The following TMEM131 variants were observed in gnomAD, a reference collection of about 807,000 sequenced individuals.
TMEM131 encodes transmembrane protein 131.
A neutral mutation model predicts 211.6 loss-of-function variants in TMEM131; 66 were observed. That is an observed-to-expected ratio of 0.31 (90% CI 0.26 to 0.38). TMEM131 has a LOEUF of 0.38. Among genes scored for constraint, TMEM131 ranks in the 10% least tolerant of loss-of-function variants. The pLI is 1.00. For missense variants in TMEM131, 2,036 were observed against 2,299.3 expected, an observed-to-expected ratio of 0.89 and a Z score of 2.34; for synonymous variants, 844 against 841.3, an observed-to-expected ratio of 1.00 and a Z score of -0.06.
chr2:97,907,384 G>A (rs564487602), intron 3 of TMEM131: 1 of 152,324 alleles, frequency 6.6e-6, no homozygotes, highest in East Asian at 1.9e-4. Context: ...CATTATTTAT[G>A]AGGTAAGAAG....
intron 2 of TMEM131, chr2:97,912,957 C>A (rs1454186893): frequency 6.6e-6 from 1 of 152,138 alleles, no homozygotes; most frequent in Non-Finnish European, 1.5e-5. Context: ...ATAAAACGAA[C>A]ACATCTGATA....
chr2:97,995,266 G>A (rs993713273), intron 1 of TMEM131, among the ~76,000 whole-genome samples: 3 of 152,250 alleles, frequency 2.0e-5, no homozygotes, highest in East Asian at 1.9e-4. Context: ...GGCAGTGACA[G>A]GAGACGGGGG....
chr2:97,759,293 CAT>C, intron 39 of TMEM131: 1 of 573,004 alleles, frequency 1.7e-6, no homozygotes, highest in Non-Finnish European at 3.1e-6. Flanking sequence ...CCCACTCTCA[CAT>C]GATAGCTAAT....
chr2:97,932,963 C>G (rs182028417), intron 1 of TMEM131, among the ~76,000 whole-genome samples: 10 of 152,246 alleles, frequency 6.6e-5, no homozygotes, highest in Admixed American at 6.5e-4. Flanking sequence ...TTTACTGTAC[C>G]CTTTTCTATG....
intron 4 of TMEM131, among the ~76,000 whole-genome samples, chr2:97,873,306 C>A (rs1202460194): frequency 6.6e-6 from 1 of 152,238 alleles, no homozygotes; most frequent in Non-Finnish European, 1.5e-5. Flanking sequence ...GGGAAAGGGG[C>A]AGCTGTGGCC....
In TMEM131 at chr2:97,995,539, G is replaced by A. The variant is rs1294010516; in HGVS notation, c.124C>T (p.Leu42Phe). The change falls in exon 1 of 41, where the codon CTC (leucine) becomes TTC (phenylalanine). Residue 42 changes from leucine (L) to phenylalanine (F), a missense_variant. By Grantham distance (22) the Leu-to-Phe change is conservative (BLOSUM62 0). Coordinates refer to ENST00000186436, the MANE Select transcript of TMEM131 (RefSeq NM_015348.2). ...SGGPRSAAAG[L>F]LGALHLVMTL... ...ATCACCAGGTGCAGCGCGCCTAGGA[G>A]GCCGGCGGCCGCGCTCCGCGGGCCC... is the stretch of plus-strand genomic sequence containing the variant. 4 of 1,344,878 alleles carry A rather than the reference G, an allele frequency of 3.0e-6. No homozygotes were observed. The highest frequency in any genetic ancestry group is 3.1e-5 in the East Asian group (1 of 31,816). 83.3% of individuals were successfully genotyped at this position (1,344,878 alleles called of 1,614,324 possible).
Position 97,815,182 on chromosome 2 carries a change from T to C in TMEM131, c.1292+17A>G. The stretch of plus-strand genomic sequence containing the variant: ...ATTAGTAAAAAGTAATAGAATTTAT[T>C]TTAAAAAGAAACTCACCCATCTAAA... On this transcript the variant is annotated intron_variant, in intron 13 of 40. Transcript: ENST00000186436. The C allele has an allele frequency of 7.2e-7, 1 of 1,393,214 alleles. No homozygotes were observed. The highest frequency in any genetic ancestry group is 9.7e-7 in the Non-Finnish European group (1 of 1,032,612). The allele number at this position is 1,393,214 out of a possible 1,614,324, so 86.3% of individuals were successfully genotyped here.
rs573459946 is a variant in TMEM131 at position 97,817,633 on chromosome 2, C to T, written c.1183+980G>A. Among the ~76,000 whole-genome samples, 23 of 152,242 alleles carry T rather than the reference C, an allele frequency of 1.5e-4. No individual in the cohort carries two copies. In the East Asian group the frequency reaches 4.4e-3, roughly 29 times the overall value. On this transcript the variant is annotated intron_variant, in intron 12 of 40. Coordinates refer to ENST00000186436, the MANE Select transcript of TMEM131 (RefSeq NM_015348.2). Reference sequence around the variant, plus strand: ...TATGCTGCCTATGTGATTTTTATTCCTTGAGAGTCCTCACTGAGCTCACAG... The same window carrying T: ...TATGCTGCCTATGTGATTTTTATTCTTTGAGAGTCCTCACTGAGCTCACAG...
At position 97,827,228 on chromosome 2, in the gene TMEM131, G is replaced by A. The variant is rs562395101; in HGVS notation, c.1074+6137C>T. 46 of 753,530 alleles carry A rather than the reference G, an allele frequency of 6.1e-5. No homozygotes were observed. In the East Asian group the frequency reaches 6.3e-4, roughly 10 times the overall value. 46.7% of individuals were successfully genotyped at this position (753,530 alleles called of 1,614,324 possible). ...GCCGCGGCCCGCAGGCACCTGGCACGCGCCTTCCCCGCCGCCAGGATGCCC... is the reference window on the plus strand; with the variant it reads ...GCCGCGGCCCGCAGGCACCTGGCACACGCCTTCCCCGCCGCCAGGATGCCC... On this transcript the variant is annotated intron_variant, in intron 11 of 40. Coordinates refer to ENST00000186436, the MANE Select transcript of TMEM131 (RefSeq NM_015348.2).
intron 3 of TMEM131, among the ~76,000 whole-genome samples, chr2:97,897,020 T>C (rs1675643833): frequency 6.6e-6 from 1 of 151,944 alleles, no homozygotes; most frequent in Non-Finnish European, 1.5e-5. Context: ...ATATTACAGT[T>C]TTCAGTGTAC....
At chr2:97,771,587 A>G (rs1407702638) in intron 33 of TMEM131, among the ~76,000 whole-genome samples, 1 of 152,236 alleles carries the variant, frequency 6.6e-6, no homozygotes, top group Non-Finnish European at 1.5e-5. Flanking sequence ...TCCCGTGCTG[A>G]TGACAGTTCT....
chr2:97,927,522 G>C, intron 1 of TMEM131, 35 bp from the exon 2 acceptor site: 1 of 1,494,146 alleles, frequency 6.7e-7, no homozygotes, highest in Non-Finnish European at 8.9e-7. Context: ...TCACTTACAG[G>C]AACATAAATT....
At chr2:97,873,316 C>T (rs1230337344) in intron 4 of TMEM131, among the ~76,000 whole-genome samples, 2 of 152,140 alleles carry the variant, frequency 1.3e-5, no homozygotes, top group Non-Finnish European at 1.5e-5. Flanking sequence ...CAGCTGTGGC[C>T]GAAGCTTCAG....
Position 97,810,712 on chromosome 2 carries a change from G to A in TMEM131, c.1968+416C>T, listed in dbSNP as rs527541861. Among the ~76,000 whole-genome samples, 10 of 152,272 alleles carry A rather than the reference G, an allele frequency of 6.6e-5. No homozygotes were observed. In the South Asian group the frequency reaches 2.1e-3, roughly 32 times the overall value. ...ATGACTCATGAAAATATAAATGTGA[G>A]CACTCAGATTAGGACATGATCTCCT... is the stretch of plus-strand genomic sequence containing the variant. On this transcript the variant is annotated intron_variant, in intron 18 of 40. Coordinates refer to ENST00000186436, the MANE Select transcript of TMEM131 (RefSeq NM_015348.2).
intron 2 of TMEM131, among the ~76,000 whole-genome samples, chr2:97,914,776 A>G (rs2104394635): frequency 6.6e-6 from 1 of 152,302 alleles, no homozygotes; most frequent in Middle Eastern, 3.4e-3. Context: ...CAGTACATCT[A>G]CTGAAATACA....
chr2:97,993,777 A>G (rs1680363849), intron 1 of TMEM131, among the ~76,000 whole-genome samples: 1 of 152,256 alleles, frequency 6.6e-6, no homozygotes, highest in Admixed American at 6.5e-5. Context: ...AACTATGCAA[A>G]TGAGAAATTA....
At chr2:97,994,847 G>A (rs976228538) in intron 1 of TMEM131, among the ~76,000 whole-genome samples, 1 of 152,246 alleles carries the variant, frequency 6.6e-6, no homozygotes, top group Admixed American at 6.5e-5. Context: ...GCAACTTCAC[G>A]TTTATTTTTA....
At chr2:97,848,004 T>C (rs1683529210) in intron 5 of TMEM131, among the ~76,000 whole-genome samples, 1 of 151,762 alleles carries the variant, frequency 6.6e-6, no homozygotes, top group Admixed American at 6.6e-5. Flanking sequence ...AAAGAGAAAA[T>C]CAAAATTGGA....
intron 1 of TMEM131, among the ~76,000 whole-genome samples, chr2:97,939,497 GA>G (rs756742817): frequency 2.0e-5 from 3 of 152,190 alleles, no homozygotes; most frequent in Non-Finnish European, 4.4e-5. Flanking sequence ...TCCCTGAATA[GA>G]CCAATAACAG....
Sources: gnomAD v4.1 joint callset for allele counts (sites outside exome capture counted in the v4.1 genomes callset) on GRCh38, gnomAD v4.1.1 for gene constraint, MANE v1.5 for transcripts, NCBI Gene and HGNC (gene_info 2026-07-23, HGNC 2026-07-21) for gene names.